The following CERS3 variants were observed in gnomAD, a reference collection of about 807,000 sequenced individuals.
The protein encoded by CERS3 is ceramide synthase 3.
In CERS3, 33 loss-of-function variants were observed where a neutral mutation model predicts 50.3. The ratio of observed to expected loss-of-function variants is 0.66; its 90% confidence interval spans 0.50 to 0.88. CERS3 has a LOEUF of 0.88. Among genes scored for constraint, CERS3 ranks in the 40% least tolerant of loss-of-function variants. The pLI is 0.00. For missense variants in CERS3, 470 were observed against 460.3 expected (o/e 1.02, Z -0.19); for synonymous variants, 176 against 155.2 (o/e 1.13, Z -0.99).
Position 100,487,752 on chromosome 15 carries a change from C to T in CERS3, c.288+3065G>A, listed in dbSNP as rs1270837000. ...TTGGCTCTCACATGTCTTCCCTGTA[C>T]AATAAATAGCACTAGAAGAGGTTTT... On this transcript the variant is annotated intron_variant, in intron 4 of 11. Transcript: ENST00000679737. 3.3e-5 allele frequency among the ~76,000 whole-genome samples: 5 copies of T among 152,132 alleles called. No homozygotes were observed. The East Asian group carries it at 9.6e-4, about 29-fold the overall frequency.
At chr15:100,469,269 A>C in intron 10 of CERS3, 109 bp downstream of exon 10, 1 of 718,438 alleles carries the variant, frequency 1.4e-6, no homozygotes, top group Non-Finnish European at 2.4e-6. Flanking sequence ...CACTTGACAC[A>C]AATAACTGGA....
chr15:100,508,043 C>T (rs2036233997), intron 2 of CERS3, among the ~76,000 whole-genome samples: 1 of 152,220 alleles, frequency 6.6e-6, no homozygotes, highest in African/African-American at 2.4e-5. Context: ...CTTATACATC[C>T]AGCATCTTCC....
chr15:100,481,536 C>T (rs1230255443), intron 5 of CERS3, among the ~76,000 whole-genome samples: 4 of 152,202 alleles, frequency 2.6e-5, no homozygotes, highest in African/African-American at 9.6e-5. Context: ...TGTGGGTGCT[C>T]CCCCGGTGTT....
chr15:100,510,899 T>C lies in CERS3; in HGVS notation c.-1-9049A>G, dbSNP rs2036319880. Among the ~76,000 whole-genome samples, 3 of 152,314 alleles carry C rather than the reference T, an allele frequency of 2.0e-5. No homozygotes were observed. In the South Asian group the frequency reaches 6.2e-4, roughly 32 times the overall value. ...ACAGGTGAGACTGTGACTCTAATAA[T>C]ACAGAGAAAATAATGGAAAAGATAA... On this transcript the variant is annotated intron_variant, in intron 2 of 11. Transcript: ENST00000679737.
Position 100,508,429 on chromosome 15 carries a change from G to C in CERS3, c.-1-6579C>G, listed in dbSNP as rs142383081. Among the ~76,000 whole-genome samples the C allele has an allele frequency of 4.2e-3, 646 of 152,278 alleles. 7 individuals carry two copies. The highest frequency in any genetic ancestry group is 0.015 in the African/African-American group (611 of 41,538). Reference sequence around the variant, plus strand: ...ATACTGTCAGTAGAACAATACTTTTGTGCTGGGTTAACTGTGTAAGCATCG... The same window carrying C: ...ATACTGTCAGTAGAACAATACTTTTCTGCTGGGTTAACTGTGTAAGCATCG... On this transcript the variant is annotated intron_variant, in intron 2 of 11. Transcript: ENST00000679737.
rs564472925 is a variant in CERS3, at chr15:100,475,838, GT to G, written c.609+247del. The G allele has an allele frequency of 2.8e-5, 6 of 214,472 alleles. No homozygotes were observed. The South Asian group carries it at 6.2e-4, about 22-fold the overall frequency. 13.3% of individuals were successfully genotyped at this position (214,472 alleles called of 1,614,324 possible). A position where few individuals can be genotyped will look rare whatever the true frequency, so the allele number is the denominator to read the frequency against. On this transcript the variant is annotated intron_variant, in intron 8 of 11. Coordinates refer to ENST00000679737, the MANE Select transcript of CERS3 (RefSeq NM_001378789.1). ...CAAGAAACAGACATATAAAGGAAAT[GT>G]TTTTTTTCTTATTGAACAGAGGTGG...
At position 100,402,863 on chromosome 15, in the gene CERS3, G is replaced by A. The variant is rs766114353; in HGVS notation, c.1002C>T (p.Ser334=). 4 of 1,589,688 alleles carry A rather than the reference G, an allele frequency of 2.5e-6. No individual in the cohort carries two copies. The highest frequency in any genetic ancestry group is 2.6e-6 in the Non-Finnish European group (3 of 1,166,372). ...KMLNRCIFMK[S]IQDVRSDDED... Reference sequence around the variant, plus strand: ...CGTCATCACTCCTCACATCCTGGATGCTCTAGACAAAGGAAAGAATTGGCT... The same window carrying A: ...CGTCATCACTCCTCACATCCTGGATACTCTAGACAAAGGAAAGAATTGGCT... The change falls in exon 12 of 12, where the codon AGC becomes AGT. Residue 334 remains serine (S), a splice_region_variant and synonymous_variant. Coordinates refer to ENST00000679737, the MANE Select transcript of CERS3 (RefSeq NM_001378789.1).
At chr15:100,508,498 A>C (rs2036247901) in intron 2 of CERS3, among the ~76,000 whole-genome samples, 1 of 152,248 alleles carries the variant, frequency 6.6e-6, no homozygotes, top group South Asian at 2.1e-4. Context: ...GTTACAAAAC[A>C]TCGAGATGGA....
intron 2 of CERS3, among the ~76,000 whole-genome samples, chr15:100,502,793 A>ATT (rs908250075): frequency 3.2e-4 from 48 of 148,016 alleles, no homozygotes; most frequent in African/African-American, 1.1e-3. Context: ...ACTTCAACAC[A>ATT]TTTTTTTTTT....
At chr15:100,443,197 C>T (rs992810331) in intron 11 of CERS3, among the ~76,000 whole-genome samples, 2 of 150,282 alleles carry the variant, frequency 1.3e-5, no homozygotes, top group African/African-American at 4.9e-5. Context: ...TATAAGATAC[C>T]TCTACTCCCT....
chr15:100,478,054 A>G (rs78820662), intron 7 of CERS3, among the ~76,000 whole-genome samples: 1,697 of 152,320 alleles, frequency 0.011, 55 homozygotes, highest in Admixed American at 0.062. Context: ...GCATAAGGAG[A>G]CAGGAGCAAG....
intron 2 of CERS3, among the ~76,000 whole-genome samples, chr15:100,511,091 C>T (rs114329399): frequency 0.014 from 2,152 of 152,096 alleles, 61 homozygotes; most frequent in African/African-American, 0.049. Flanking sequence ...AGTTTGAGGA[C>T]CAGGCTGACC....
At chr15:100,490,322 C>G (rs531691966) in intron 4 of CERS3, among the ~76,000 whole-genome samples, 1 of 152,022 alleles carries the variant, frequency 6.6e-6, no homozygotes, top group Non-Finnish European at 1.5e-5. Context: ...GGAGAATAGT[C>G]GGGGCACAGC....
At chr15:100,487,338 G>A (rs1245915993) in intron 4 of CERS3, among the ~76,000 whole-genome samples, 1 of 152,116 alleles carries the variant, frequency 6.6e-6, no homozygotes, top group Non-Finnish European at 1.5e-5. Context: ...TATGTGCCAA[G>A]CACTATTCTA....
At chr15:100,526,981 A>G (rs1405525015) in intron 1 of CERS3, among the ~76,000 whole-genome samples, 1 of 152,172 alleles carries the variant, frequency 6.6e-6, no homozygotes, top group Non-Finnish European at 1.5e-5. Context: ...TTTTATAAAT[A>G]AGGAAACTGA....
chr15:100,403,249 A>G (rs1461329093), intron 11 of CERS3, among the ~76,000 whole-genome samples: 2 of 152,228 alleles, frequency 1.3e-5, no homozygotes, highest in African/African-American at 4.8e-5. Flanking sequence ...AAATTTGTTC[A>G]ATGCAGCTAA....
At chr15:100,469,534 T>A in intron 9 of CERS3, 50 bp from the exon 10 acceptor site, 2 of 1,279,676 alleles carry the variant, frequency 1.6e-6, no homozygotes, top group Non-Finnish European at 2.2e-6. Flanking sequence ...CCTACATTTT[T>A]AAAGTTAAAT....
At chr15:100,529,905 A>G (rs780122317), upstream of CERS3, among the ~76,000 whole-genome samples, 1 of 152,220 alleles carries the variant, frequency 6.6e-6, no homozygotes, top group Non-Finnish European at 1.5e-5. Flanking sequence ...AAAATGGACT[A>G]GATGCAGATA....
At chr15:100,443,219 G>A (rs555360417) in intron 11 of CERS3, among the ~76,000 whole-genome samples, 114 of 150,788 alleles carry the variant, frequency 7.6e-4, no homozygotes, top group African/African-American at 1.9e-3. Flanking sequence ...CTTGGTGACC[G>A]ATCATGCACC....
Sources: gnomAD v4.1 joint callset for allele counts (sites outside exome capture counted in the v4.1 genomes callset) on GRCh38, gnomAD v4.1.1 for gene constraint, MANE v1.5 for transcripts, NCBI Gene and HGNC (gene_info 2026-07-23, HGNC 2026-07-21) for gene names.